The following PTPN4 variants were observed in gnomAD, a reference collection of about 807,000 sequenced individuals.
The protein encoded by PTPN4 is protein tyrosine phosphatase non-receptor type 4.
In PTPN4, 49 loss-of-function variants were observed where a neutral mutation model predicts 135.5. The observed-to-expected ratio is 0.36, with a 90% CI of 0.29 to 0.46. PTPN4 has a LOEUF of 0.46. PTPN4 is among the 20% of genes least tolerant of loss of function. The pLI is 1.00. For synonymous variants in PTPN4, 333 were observed against 369.9 expected (o/e 0.90, Z 1.14); for missense variants, 860 against 1,101.0 (o/e 0.78, Z 3.10).
chr2:119,806,661 A>G (rs1327579728), intron 1 of PTPN4, among the ~76,000 whole-genome samples: 2 of 152,206 alleles, frequency 1.3e-5, no homozygotes, highest in Non-Finnish European at 2.9e-5. Context: ...AACATTAGAC[A>G]GATCAGCGAG....
chr2:119,927,029 T>A (rs1678834821), intron 13 of PTPN4, among the ~76,000 whole-genome samples: 1 of 151,994 alleles, frequency 6.6e-6, no homozygotes, highest in Admixed American at 6.6e-5. Context: ...TAAATTATAA[T>A]GTTAAGAGAT....
At chr2:119,868,452 T>A (rs1325651073) in intron 3 of PTPN4, among the ~76,000 whole-genome samples, 1 of 152,228 alleles carries the variant, frequency 6.6e-6, no homozygotes, top group Non-Finnish European at 1.5e-5. Flanking sequence ...TAATATATAC[T>A]GTTGGGAACA....
chr2:119,879,779 A>G (rs1183297304), intron 5 of PTPN4, among the ~76,000 whole-genome samples: 2 of 152,146 alleles, frequency 1.3e-5, no homozygotes, highest in African/African-American at 2.4e-5. Context: ...GAAACAGGAA[A>G]TCTGCTGCAC....
chr2:119,912,751 T>G lies in PTPN4; in HGVS notation c.765-2428T>G, dbSNP rs537080627. 8.9e-4 allele frequency among the ~76,000 whole-genome samples: 135 copies of G among 152,306 alleles called. 1 individual carries two copies. Among genetic ancestry groups the G allele is most frequent in the Non-Finnish European group, 1.9e-3 (127 of 68,012 alleles). ...ATCTATGTACCATAAATTTGCCTAT[T>G]AAAGTATACAGTTTAGTGGTTTGTG... is the stretch of plus-strand genomic sequence containing the variant. On this transcript the variant is annotated intron_variant, in intron 10 of 26. Transcript: ENST00000263708.
chr2:119,884,442 A>G (rs1022112208), intron 8 of PTPN4, among the ~76,000 whole-genome samples: 3 of 152,222 alleles, frequency 2.0e-5, no homozygotes, highest in Non-Finnish European at 2.9e-5. Flanking sequence ...AAAGCCTACA[A>G]TATTTACTGT....
chr2:119,922,762 G>A (rs933585464), intron 12 of PTPN4, among the ~76,000 whole-genome samples: 4 of 152,108 alleles, frequency 2.6e-5, no homozygotes, highest in Non-Finnish European at 5.9e-5. Context: ...ATTTTTAAAT[G>A]TTTCATAGAA....
intron 3 of PTPN4, among the ~76,000 whole-genome samples, chr2:119,864,129 T>C (rs1212301790): frequency 1.3e-5 from 2 of 152,260 alleles, no homozygotes. Context: ...GCAAAAATTG[T>C]TCTTCAGGAA....
intron 2 of PTPN4, among the ~76,000 whole-genome samples, chr2:119,816,158 A>G (rs894148786): frequency 2.0e-5 from 3 of 152,214 alleles, no homozygotes; most frequent in Non-Finnish European, 4.4e-5. Context: ...CTCCTAGGCT[A>G]CAAACCTGAA....
chr2:119,886,592 T>C (rs1182364946), intron 9 of PTPN4, among the ~76,000 whole-genome samples: 1 of 152,192 alleles, frequency 6.6e-6, no homozygotes, highest in Admixed American at 6.5e-5. Flanking sequence ...ATCAGTTGAG[T>C]TGGTGATAGC....
At chr2:119,948,351 G>A (rs980587027) in intron 18 of PTPN4, among the ~76,000 whole-genome samples, 1 of 152,034 alleles carries the variant, frequency 6.6e-6, no homozygotes, top group Admixed American at 6.6e-5. Context: ...AGGTGGTAGG[G>A]AGGAACACAA....
At chr2:119,938,212 C>G (rs190356534) in intron 15 of PTPN4, among the ~76,000 whole-genome samples, 18 of 147,884 alleles carry the variant, frequency 1.2e-4, no homozygotes, top group Non-Finnish European at 1.5e-5. Context: ...ACTGCAAGCT[C>G]TACCTCCCGG....
chr2:119,934,000 G>A (rs1210810767), intron 14 of PTPN4, among the ~76,000 whole-genome samples: 1 of 152,130 alleles, frequency 6.6e-6, no homozygotes, highest in African/African-American at 2.4e-5. Flanking sequence ...ATAATAGCAA[G>A]TTATAGAAAA....
At chr2:119,768,693 T>G (rs1690681814) in intron 1 of PTPN4, among the ~76,000 whole-genome samples, 1 of 152,218 alleles carries the variant, frequency 6.6e-6, no homozygotes, top group Admixed American at 6.5e-5. Flanking sequence ...CGACCCCGCA[T>G]TAGTTGTCTC....
intron 1 of PTPN4, among the ~76,000 whole-genome samples, chr2:119,803,694 C>T (rs1054442399): frequency 4.6e-5 from 7 of 152,104 alleles, no homozygotes; most frequent in African/African-American, 1.4e-4. Flanking sequence ...TTGTTAAGTT[C>T]TCTTATATTC....
Position 119,955,198 on chromosome 2 carries a change from GATTTCCAGT to G in PTPN4, c.1858_1866del (p.Phe620_Tyr622del). 6.2e-7 allele frequency: 1 copy of G among 1,612,254 alleles called. No individual in the cohort carries two copies. The highest frequency in any genetic ancestry group is 8.5e-7 in the Non-Finnish European group (1 of 1,179,426). On this transcript the variant is annotated inframe_deletion, in exon 20 of 27. Transcript: ENST00000263708. The stretch of plus-strand genomic sequence containing the variant: ...GGAAGAAAAGCTAGAAAATGAGCCA[GATTTCCAGT>G]ATATTCCTGAGAAAGCCCCACTAGA...
At chr2:119,827,770 A>G (rs949001626) in intron 2 of PTPN4, among the ~76,000 whole-genome samples, 1 of 152,156 alleles carries the variant, frequency 6.6e-6, no homozygotes, top group Non-Finnish European at 1.5e-5. Context: ...TTGTTTTTGA[A>G]TGTTATTGAG....
intron 1 of PTPN4, among the ~76,000 whole-genome samples, chr2:119,806,168 A>C (rs1691463510): frequency 6.6e-6 from 1 of 152,242 alleles, no homozygotes; most frequent in Admixed American, 6.5e-5. Context: ...AAACTGCATC[A>C]ACTAATGGGC....
Position 119,809,949 on chromosome 2 carries a change from C to T in PTPN4, c.96C>T (p.Asn32=). The T allele has an allele frequency of 6.2e-7, 1 of 1,613,512 alleles. No homozygotes were observed. The highest frequency in any genetic ancestry group is 1.6e-4 in the Middle Eastern group (1 of 6,062). ...RDRQHTEVVC[N]ILLLDNTVQA... is the part of the protein sequence containing the mutation. ...GACAGCATACTGAAGTGGTTTGCAA[C>T]ATCCTTCTTCTGGATAACACTGTAC... Residue 32 remains asparagine, a synonymous_variant, in exon 2 of 27, where the codon AAC becomes AAT. Coordinates refer to ENST00000263708, the MANE Select transcript of PTPN4 (RefSeq NM_002830.4).
At chr2:119,966,654 C>T (rs1679450132) in intron 25 of PTPN4, among the ~76,000 whole-genome samples, 1 of 152,224 alleles carries the variant, frequency 6.6e-6, no homozygotes, top group South Asian at 2.1e-4. Flanking sequence ...TAGGTTACAG[C>T]CTAATATTTA....
Sources: gnomAD v4.1 joint callset for allele counts (sites outside exome capture counted in the v4.1 genomes callset) on GRCh38, gnomAD v4.1.1 for gene constraint, MANE v1.5 for transcripts, NCBI Gene and HGNC (gene_info 2026-07-23, HGNC 2026-07-21) for gene names.